The following SMAD5 variants were observed in gnomAD, a reference collection of about 807,000 sequenced individuals.
SMAD5 encodes the protein MAD, mothers against decapentaplegic homolog 5.
SMAD5 carries 9 observed loss-of-function variants against 43.1 expected under a neutral mutation model. That is an observed-to-expected ratio of 0.21 (90% CI 0.13 to 0.36). SMAD5 has a LOEUF of 0.36. SMAD5 is among the 10% of genes least tolerant of loss of function. The pLI, the probability that SMAD5 is intolerant of heterozygous loss-of-function variation, is 1.00. For missense variants in SMAD5, 348 were observed against 574.0 expected, an observed-to-expected ratio of 0.61 and a Z score of 4.02; for synonymous variants, 190 against 192.4, an observed-to-expected ratio of 0.99 and a Z score of 0.10.
intron 1 of SMAD5, among the ~76,000 whole-genome samples, chr5:136,146,055 T>G (rs1753248386): frequency 6.6e-6 from 1 of 151,938 alleles, no homozygotes; most frequent in African/African-American, 2.4e-5. Context: ...GTTCTATTAA[T>G]TTGTGACTAT....
At chr5:136,133,962 G>A (rs185575035) in intron 1 of SMAD5, 1 of 151,142 alleles carries the variant, frequency 6.6e-6, no homozygotes, top group African/African-American at 2.5e-5. Flanking sequence ...GCCTGTAGGT[G>A]AGGAATGGCT....
intron 1 of SMAD5, among the ~76,000 whole-genome samples, chr5:136,139,872 TA>T (rs1753015532): frequency 6.6e-6 from 1 of 152,064 alleles, no homozygotes; most frequent in Non-Finnish European, 1.5e-5. Context: ...ATTTTTTAAT[TA>T]AAAACAATTT....
intron 5 of SMAD5, among the ~76,000 whole-genome samples, chr5:136,164,199 AAAAC>A (rs1044839236): frequency 2.0e-5 from 3 of 152,184 alleles, no homozygotes; most frequent in African/African-American, 7.2e-5. Flanking sequence ...CCATCTCAAA[AAAAC>A]AAACAAAAAT....
intron 4 of SMAD5, among the ~76,000 whole-genome samples, chr5:136,162,332 T>C (rs923173493): frequency 6.6e-6 from 1 of 152,194 alleles, no homozygotes; most frequent in Non-Finnish European, 1.5e-5. Context: ...AATGGATTTT[T>C]TTTCTCATCA....
intron 1 of SMAD5, among the ~76,000 whole-genome samples, chr5:136,144,800 G>A (rs1490331773): frequency 6.6e-6 from 1 of 151,800 alleles, no homozygotes; most frequent in Non-Finnish European, 1.5e-5. Flanking sequence ...AGAGAACTCA[G>A]AAGTAAGCAA....
At chr5:136,146,878 TA>T (rs528214068) in intron 1 of SMAD5, among the ~76,000 whole-genome samples, 1 of 151,664 alleles carries the variant, frequency 6.6e-6, no homozygotes, top group African/African-American at 2.4e-5. Flanking sequence ...TAAAGGCATT[TA>T]AAAAAATCTA....
rs1472837746 is a variant in SMAD5, at chr5:136,172,504, T to C, written c.846T>C (p.Arg282=). Residue 282 remains arginine, a synonymous_variant, in exon 6 of 8, where the codon CGT becomes CGC. Transcript: ENST00000545279. The part of the protein sequence containing the change: ...CSIVYYELNN[R]VGEAFHASST... Reference sequence around the variant, plus strand: ...TAGTCTACTATGAATTAAACAATCGTGTTGGAGAAGCTTTTCATGCATCTT... The same window carrying C: ...TAGTCTACTATGAATTAAACAATCGCGTTGGAGAAGCTTTTCATGCATCTT... 2 of 1,612,982 alleles carry C rather than the reference T, an allele frequency of 1.2e-6. No homozygotes were observed. Among genetic ancestry groups the C allele is most frequent in the East Asian group, 2.2e-5 (1 of 44,850 alleles).
At chr5:136,160,149 A>G (rs775810719) in intron 3 of SMAD5, among the ~76,000 whole-genome samples, 6 of 152,202 alleles carry the variant, frequency 3.9e-5, no homozygotes, top group Non-Finnish European at 5.9e-5. Context: ...TTTGTTGTGT[A>G]TATTTTCATT....
At chr5:136,156,687 T>A (rs1753647830) in intron 3 of SMAD5, among the ~76,000 whole-genome samples, 1 of 152,108 alleles carries the variant, frequency 6.6e-6, no homozygotes. Context: ...TAGGAGGGAG[T>A]CTAGGAATTT....
At chr5:136,172,883 T>A (rs1251663953) in intron 6 of SMAD5, 1 of 520,140 alleles carries the variant, frequency 1.9e-6, no homozygotes, top group African/African-American at 1.9e-5. Context: ...GAAATCATAC[T>A]ACCACTTTGT....
At chr5:136,150,138 T>C (rs1753405493) in intron 2 of SMAD5, among the ~76,000 whole-genome samples, 1 of 151,892 alleles carries the variant, frequency 6.6e-6, no homozygotes, top group African/African-American at 2.4e-5. Flanking sequence ...CTTACTGTTC[T>C]TTTCACTCTG....
chr5:136,134,052 G>C (rs1752785764), intron 1 of SMAD5: 1 of 68,222 alleles, frequency 1.5e-5, no homozygotes, highest in Non-Finnish European at 3.2e-5. Context: ...GGGGGGGGGG[G>C]GTGTTGCGGG....
chr5:136,170,594 A>G (rs996855754), intron 5 of SMAD5, among the ~76,000 whole-genome samples: 3 of 152,174 alleles, frequency 2.0e-5, no homozygotes, highest in African/African-American at 7.2e-5. Flanking sequence ...AAAGTACAGA[A>G]TCATTTTGTC....
At chr5:136,135,890 A>G (rs1321073662) in intron 1 of SMAD5, among the ~76,000 whole-genome samples, 5 of 152,188 alleles carry the variant, frequency 3.3e-5, no homozygotes, top group Admixed American at 2.0e-4. Flanking sequence ...ACTAACCACA[A>G]AGAAGGCAAA....
At chr5:136,145,810 C>T (rs1338768445) in intron 1 of SMAD5, among the ~76,000 whole-genome samples, 1 of 151,872 alleles carries the variant, frequency 6.6e-6, no homozygotes, top group Non-Finnish European at 1.5e-5. Context: ...GTGTTAGATC[C>T]AGAATTTGAA....
chr5:136,160,709 C>T, intron 3 of SMAD5, 147 bp from the exon 4 acceptor site: 1 of 705,546 alleles, frequency 1.4e-6, no homozygotes, highest in South Asian at 1.9e-5. Context: ...AATAGAGATT[C>T]AGGGCTCTAT....
chr5:136,168,310 T>C (rs942986067), intron 5 of SMAD5, among the ~76,000 whole-genome samples: 2 of 152,242 alleles, frequency 1.3e-5, no homozygotes, highest in Admixed American at 1.3e-4. Flanking sequence ...TTTTATATTG[T>C]GTATAAACCT....
At position 136,181,117 on chromosome 5, in the gene SMAD5, A is replaced by G. The variant is rs1754611650; in HGVS notation, c.*3637A>G. 6.6e-6 allele frequency: 1 copy of G among 152,118 alleles called. No homozygotes were observed. Among genetic ancestry groups the G allele is most frequent in the Non-Finnish European group, 1.5e-5 (1 of 67,952 alleles). The allele number at this position is 152,118 out of a possible 1,614,324, so 9.4% of individuals were successfully genotyped here. On this transcript the variant is annotated 3_prime_UTR_variant, in exon 8 of 8. Transcript: ENST00000545279. ...GTGATAGAGAACATCTGATGTACCAATTTAGATCTATTTCTTTATACTTTT... is the reference window on the plus strand; with the variant it reads ...GTGATAGAGAACATCTGATGTACCAGTTTAGATCTATTTCTTTATACTTTT...
chr5:136,155,190 C>G (rs1753596148), intron 3 of SMAD5, among the ~76,000 whole-genome samples: 1 of 152,130 alleles, frequency 6.6e-6, no homozygotes, highest in African/African-American at 2.4e-5. Context: ...TGTAATATGT[C>G]TAAGCGCAGT....
Sources: gnomAD v4.1 joint callset for allele counts (sites outside exome capture counted in the v4.1 genomes callset) on GRCh38, gnomAD v4.1.1 for gene constraint, MANE v1.5 for transcripts, NCBI Gene and HGNC (gene_info 2026-07-23, HGNC 2026-07-21) for gene names.